Variants in DNAH11 observed in about 807,000 individuals in gnomAD.
DNAH11 encodes dynein axonemal heavy chain 11.
Under a neutral mutation model 526.0 loss-of-function variants are expected in DNAH11, and 442 were observed. The observed-to-expected ratio is 0.84, with a 90% CI of 0.78 to 0.91. The LOEUF is 0.91. DNAH11 is among the 40% of genes least tolerant of loss of function. DNAH11 has a pLI of 0.00. For synonymous variants in DNAH11, 2,461 were observed against 1,935.9 expected, an observed-to-expected ratio of 1.27 and a Z score of -7.12; for missense variants, 6,989 against 5,448.7, an observed-to-expected ratio of 1.28 and a Z score of -8.90.
chr7:21,567,141 A>G (rs1033323982), intron 6 of DNAH11, among the ~76,000 whole-genome samples: 6 of 152,204 alleles, frequency 3.9e-5, no homozygotes, highest in African/African-American at 1.2e-4. Context: ...GTTATTATCA[A>G]TGTGTAAAAG....
rs1221667998 is a variant in DNAH11 at position 21,866,573 on chromosome 7, A to C, written c.11600A>C (p.Lys3867Thr). The change falls in exon 71 of 82, where the codon AAA becomes ACA. Residue 3867 changes from lysine to threonine, a missense_variant. Transcript: ENST00000409508. ...WVESECPEKE[K>T]LPQEWKKKSL... ...GAATCCGAGTGTCCAGAAAAAGAAAAATTACCTCAAGAATGGAAGAAGAAA... is the reference window on the plus strand; with the variant it reads ...GAATCCGAGTGTCCAGAAAAAGAAACATTACCTCAAGAATGGAAGAAGAAA... 1 of 1,613,802 alleles carries C rather than the reference A, an allele frequency of 6.2e-7. No homozygotes were observed. The highest frequency in any genetic ancestry group is 8.5e-7 in the Non-Finnish European group (1 of 1,179,878).
chr7:21,569,422 C>G (rs559883592), intron 6 of DNAH11, among the ~76,000 whole-genome samples: 10 of 152,224 alleles, frequency 6.6e-5, no homozygotes, highest in African/African-American at 2.4e-4. Context: ...TTGGGAGTGT[C>G]GGTTGATCCC....
In DNAH11 at chr7:21,687,019, T is replaced by G. The variant is rs943881176; in HGVS notation, c.5622-80T>G. On this transcript the variant is annotated intron_variant, in intron 32 of 81. Coordinates refer to ENST00000409508, the MANE Select transcript of DNAH11 (RefSeq NM_001277115.2). ...ATCACATTCTAGAGCTTCTTAAACT[T>G]TTTTTCTAATGTATTGCCTCTGATG... 25 of 1,391,704 alleles carry G rather than the reference T, an allele frequency of 1.8e-5. No individual in the cohort carries two copies. In the Admixed American group the frequency reaches 2.7e-4, roughly 15 times the overall value. 86.2% of individuals were successfully genotyped at this position (1,391,704 alleles called of 1,614,324 possible). A position where few individuals can be genotyped will look rare whatever the true frequency, so the allele number is the denominator to read the frequency against.
intron 46 of DNAH11, among the ~76,000 whole-genome samples, chr7:21,738,096 C>T (rs950573582): frequency 9.9e-5 from 15 of 152,150 alleles, no homozygotes; most frequent in African/African-American, 3.6e-4. Context: ...TCAGATACTA[C>T]ATCTCAGACA....
rs534347116 is a variant in DNAH11 at position 21,802,276 on chromosome 7, CACA to C, written c.10165+1006_10165+1008del. On this transcript the variant is annotated intron_variant, in intron 62 of 81. Coordinates refer to ENST00000409508, the MANE Select transcript of DNAH11 (RefSeq NM_001277115.2). ...TCGTTAGAGAAATGCAAATTAAAAC[CACA>C]ACAAGATACCACTTCATAACCACCA... Among the ~76,000 whole-genome samples the C allele has an allele frequency of 1.7e-3, 255 of 152,174 alleles. 1 individual carries two copies. Among genetic ancestry groups the C allele is most frequent in the African/African-American group, 5.7e-3 (236 of 41,504 alleles).
intron 44 of DNAH11, among the ~76,000 whole-genome samples, chr7:21,724,576 A>G (rs553555772): frequency 1.3e-5 from 2 of 152,196 alleles, no homozygotes; most frequent in East Asian, 3.9e-4. Flanking sequence ...CTATGGATAT[A>G]GGAGTCACTG....
chr7:21,694,400 C>G (rs890308050), intron 35 of DNAH11, among the ~76,000 whole-genome samples: 2 of 152,104 alleles, frequency 1.3e-5, no homozygotes, highest in African/African-American at 4.8e-5. Flanking sequence ...CTCCCTGCGT[C>G]CATGTGTTCT....
chr7:21,842,488 A>T, intron 65 of DNAH11, 56 bp from the exon 66 acceptor site: 2 of 1,402,150 alleles, frequency 1.4e-6, no homozygotes, highest in Non-Finnish European at 2.0e-6. Flanking sequence ...ATGACACCGT[A>T]GTATCAGTTA....
intron 73 of DNAH11, among the ~76,000 whole-genome samples, chr7:21,871,154 G>A (rs1049541558): frequency 2.8e-4 from 42 of 152,132 alleles, no homozygotes; most frequent in Non-Finnish European, 4.6e-4. Context: ...GTAGTTAATC[G>A]AAAGCCCAAA....
At chr7:21,897,129 T>A (rs1784543600) in intron 79 of DNAH11, among the ~76,000 whole-genome samples, 1 of 152,156 alleles carries the variant, frequency 6.6e-6, no homozygotes, top group Admixed American at 6.5e-5. Context: ...TTTTTTATAT[T>A]TTTGGAAGGG....
chr7:21,865,988 A>G (rs564937569), intron 70 of DNAH11, among the ~76,000 whole-genome samples: 1 of 152,278 alleles, frequency 6.6e-6, no homozygotes, highest in African/African-American at 2.4e-5. Context: ...CCTCATCACC[A>G]TCGTGGTTTT....
At position 21,784,448 on chromosome 7, in the gene DNAH11, G is replaced by A. The variant is rs1165059677; in HGVS notation, c.9505G>A (p.Val3169Met). The A allele has an allele frequency of 2.5e-6, 4 of 1,613,346 alleles. No individual in the cohort carries two copies. Among genetic ancestry groups the A allele is most frequent in the Non-Finnish European group, 3.4e-6 (4 of 1,179,614 alleles). Residue 3169 changes from valine to methionine, a missense_variant, in exon 58 of 82, where the codon GTG (valine) becomes ATG (methionine). Val to Met is a conservative substitution (Grantham distance 21, BLOSUM62 1). Coordinates refer to ENST00000409508, the MANE Select transcript of DNAH11 (RefSeq NM_001277115.2). ...ERKVTAIQTEVFQKQRECEAD... is the reference protein window; with the variant it reads ...ERKVTAIQTEMFQKQRECEAD... Reference sequence around the variant, plus strand: ...TTAGGTGACAGCCATTCAGACTGAAGTGTTCCAGAAACAGAGAGAATGTGA... The same window carrying A: ...TTAGGTGACAGCCATTCAGACTGAAATGTTCCAGAAACAGAGAGAATGTGA...
intron 2 of DNAH11, among the ~76,000 whole-genome samples, chr7:21,552,152 A>G (rs1015821745): frequency 6.6e-6 from 1 of 152,138 alleles, no homozygotes; most frequent in Admixed American, 6.5e-5. Flanking sequence ...GCCCTGGTCC[A>G]TTGTCACATA....
At chr7:21,636,150 G>GT (rs1786854586) in intron 26 of DNAH11, 55 bp downstream of exon 26, 5 of 1,413,224 alleles carry the variant, frequency 3.5e-6, no homozygotes, top group Non-Finnish European at 4.8e-6. Context: ...AAGTAACATG[G>GT]TTTTGAGCAT....
chr7:21,901,322 G>A lies in DNAH11; in HGVS notation c.*68G>A. The A allele has an allele frequency of 6.7e-7, 1 of 1,489,524 alleles. No individual in the cohort carries two copies. The allele number at this position is 1,489,524 out of a possible 1,614,324, so 92.3% of individuals were successfully genotyped here. The stretch of plus-strand genomic sequence containing the variant: ...GGATTTTCTAGCATGTTGCTGCACT[G>A]TTCCCATGCACATTATTCTAACTTT... On this transcript the variant is annotated 3_prime_UTR_variant, in exon 82 of 82. Transcript: ENST00000409508.
intron 79 of DNAH11, among the ~76,000 whole-genome samples, chr7:21,895,496 C>G (rs936227151): frequency 3.3e-5 from 5 of 152,132 alleles, no homozygotes; most frequent in Non-Finnish European, 5.9e-5. Context: ...TGTCACAAAG[C>G]TAGGGCAGAA....
chr7:21,584,982 G>A (rs917661629), intron 9 of DNAH11, among the ~76,000 whole-genome samples: 1 of 143,534 alleles, frequency 7.0e-6, no homozygotes, highest in African/African-American at 3.0e-5. Flanking sequence ...CAATTACAGA[G>A]GCTCCTGCCA....
At chr7:21,717,626 T>C in intron 42 of DNAH11, 149 bp from the exon 43 acceptor site, 1 of 896,476 alleles carries the variant, frequency 1.1e-6, no homozygotes, top group Non-Finnish European at 1.6e-6. Context: ...CATTTTAAAA[T>C]ATTTGCAGTT....
intron 80 of DNAH11, 56 bp downstream of exon 80, chr7:21,899,504 A>C: frequency 7.2e-7 from 1 of 1,386,262 alleles, no homozygotes; most frequent in Non-Finnish European, 1.0e-6. Flanking sequence ...CCTAACCAGA[A>C]GCCCTGCTTT....
Sources: gnomAD v4.1 joint callset for allele counts (sites outside exome capture counted in the v4.1 genomes callset) on GRCh38, gnomAD v4.1.1 for gene constraint, MANE v1.5 for transcripts, NCBI Gene and HGNC (gene_info 2026-07-23, HGNC 2026-07-21) for gene names.